Variants in ERN2 observed in about 807,000 individuals in gnomAD.
The protein encoded by ERN2 is serine/threonine-protein kinase/endoribonuclease IRE2.
Under a neutral mutation model 107.9 loss-of-function variants are expected in ERN2, and 111 were observed. The ratio of observed to expected loss-of-function variants is 1.03; its 90% CI spans 0.88 to 1.20. ERN2 has a LOEUF of 1.20. ERN2 is among the 50% of genes most tolerant of loss of function. ERN2 has a pLI of 0.00. For missense variants in ERN2, 1,225 were observed against 1,197.9 expected (o/e 1.02, Z -0.33); for synonymous variants, 524 against 501.7 (o/e 1.04, Z -0.59).
At chr16:23,706,248 G>A (rs1960301696) in intron 7 of ERN2, 82 bp downstream of exon 7, 1 of 955,238 alleles carries the variant, frequency 1.0e-6, no homozygotes, top group Non-Finnish European at 1.5e-6. Flanking sequence ...AATGTGGCTG[G>A]GAATTGGTCA....
At chr16:23,708,063 C>G (rs1020463255) in intron 4 of ERN2, among the ~76,000 whole-genome samples, 3 of 152,162 alleles carry the variant, frequency 2.0e-5, no homozygotes, top group African/African-American at 7.2e-5. Context: ...AAAGTCCTCA[C>G]GGGCTGGCTG....
Position 23,709,496 on chromosome 16 carries a change from T to G in ERN2, c.306+676A>C, listed in dbSNP as rs1300577008. 59 of 234,596 alleles carry G rather than the reference T, an allele frequency of 2.5e-4. No homozygotes were observed. The Admixed American group carries it at 2.6e-3, about 10-fold the overall frequency. 14.5% of individuals were successfully genotyped at this position (234,596 alleles called of 1,614,324 possible). A position where few individuals can be genotyped will look rare whatever the true frequency, so the allele number is the denominator to read the frequency against. On this transcript the variant is annotated intron_variant, in intron 4 of 21. Transcript: ENST00000256797. ...TGGAATCTGTTTTTTCACCACTGGATTCTCAGCTTGGCCATGTGACCTGCT... is the reference window on the plus strand; with the variant it reads ...TGGAATCTGTTTTTTCACCACTGGAGTCTCAGCTTGGCCATGTGACCTGCT...
In ERN2 at chr16:23,690,944, G is replaced by C. The variant is rs748276946; in HGVS notation, c.2668C>G (p.Leu890Val). Residue 890 changes from leucine to valine, a missense_variant, in exon 22 of 22, where the codon CTC becomes GTC. Leu to Val is a conservative substitution (Grantham distance 32). Coordinates refer to ENST00000256797, the MANE Select transcript of ERN2 (RefSeq NM_033266.4). Reference protein sequence around the residue: ...QYFTNRFPRLLLHTHRAMRSC... With the variant: ...QYFTNRFPRLVLHTHRAMRSC... ...CTCATGGCTCGGTGCGTGTGGAGGA[G>C]CAGCCGTGGGAAGCGGTTTGTGAAG... 2 of 1,614,074 alleles carry C rather than the reference G, an allele frequency of 1.2e-6. No individual in the cohort carries two copies. Among genetic ancestry groups the C allele is most frequent in the Non-Finnish European group, 1.7e-6 (2 of 1,180,026 alleles).
chr16:23,702,576 C>T, intron 9 of ERN2, 39 bp from the exon 10 acceptor site: 1 of 1,613,982 alleles, frequency 6.2e-7, no homozygotes, highest in Middle Eastern at 1.6e-4. Flanking sequence ...GAGGGAGGTT[C>T]TTCTCCCGTT....
In ERN2 at chr16:23,692,216, G is replaced by A. The variant is rs773605694; in HGVS notation, c.2216C>T (p.Pro739Leu). Residue 739 changes from proline (P) to leucine (L), a missense_variant, in exon 18 of 22, where the codon CCC becomes CTC. Pro to Leu is a moderately conservative substitution (Grantham distance 98). Transcript: ENST00000256797. ...CTCTTCCTCCAGGTGAGCCAGACAGGGAGCCCCTGTGAGGATGTTTGCCTG... is the reference window on the plus strand; with the variant it reads ...CTCTTCCTCCAGGTGAGCCAGACAGAGAGCCCCTGTGAGGATGTTTGCCTG... ...YRQANILTGAPCLAHLEEEVH... is the reference protein window; with the variant it reads ...YRQANILTGALCLAHLEEEVH... 2 of 1,614,190 alleles carry A rather than the reference G, an allele frequency of 1.2e-6. No homozygotes were observed. Among genetic ancestry groups the A allele is most frequent in the South Asian group, 1.1e-5 (1 of 91,086 alleles).
At chr16:23,703,817 T>C (rs1461551591) in intron 8 of ERN2, among the ~76,000 whole-genome samples, 2 of 152,204 alleles carry the variant, frequency 1.3e-5, no homozygotes, top group African/African-American at 4.8e-5. Context: ...AGATGTTCCT[T>C]CCTCTAGGAA....
At chr16:23,698,233 C>T (rs1257139406) in intron 13 of ERN2, among the ~76,000 whole-genome samples, 2 of 152,214 alleles carry the variant, frequency 1.3e-5, no homozygotes, top group African/African-American at 4.8e-5. Context: ...GAGCCAGCCA[C>T]ATGCATTTGG....
intron 13 of ERN2, among the ~76,000 whole-genome samples, chr16:23,699,344 T>C (rs980893318): frequency 6.6e-6 from 1 of 152,052 alleles, no homozygotes; most frequent in Non-Finnish European, 1.5e-5. Context: ...GAGCAGTGAC[T>C]AGAAGGTGCC....
chr16:23,691,048 G>A lies in ERN2; in HGVS notation c.2569-5C>T. 18 of 1,614,140 alleles carry A rather than the reference G, an allele frequency of 1.1e-5. No homozygotes were observed. The highest frequency in any genetic ancestry group is 1.5e-5 in the Non-Finnish European group (18 of 1,179,994). On this transcript the variant is annotated splice_polypyrimidine_tract_variant and splice_region_variant and intron_variant, in intron 21 of 21. Transcript: ENST00000256797. The stretch of plus-strand genomic sequence containing the variant: ...GAGCTCCCTGTAGTGGTGCTTCTGT[G>A]GGTAGGTAGAGCAGAGAACCCTGGC...
intron 7 of ERN2, 59 bp from the exon 8 acceptor site, chr16:23,705,206 G>T: frequency 6.4e-7 from 1 of 1,572,270 alleles, no homozygotes; most frequent in Non-Finnish European, 8.7e-7. Context: ...GGGTCCAAGG[G>T]TGTGCCCTCT....
intron 19 of ERN2, 45 bp from the exon 20 acceptor site, chr16:23,691,470 C>T (rs781195233): frequency 3.2e-6 from 5 of 1,585,050 alleles, no homozygotes; most frequent in Non-Finnish European, 2.6e-6. Context: ...GGGCCAGAGG[C>T]CACATAGCCA....
chr16:23,690,932 G>A lies in ERN2; in HGVS notation c.2680C>T (p.His894Tyr). The stretch of plus-strand genomic sequence containing the variant: ...GAGGCGCAGCTCCTCATGGCTCGGT[G>A]CGTGTGGAGGAGCAGCCGTGGGAAG... ...NRFPRLLLHT[H>Y]RAMRSCASES... The change falls in exon 22 of 22, where the codon CAC (histidine) becomes TAC (tyrosine). Residue 894 changes from histidine to tyrosine, a missense_variant. His to Tyr is a moderately conservative substitution (Grantham distance 83, BLOSUM62 2). Coordinates refer to ENST00000256797, the MANE Select transcript of ERN2 (RefSeq NM_033266.4). 6.2e-7 allele frequency: 1 copy of A among 1,614,040 alleles called. No homozygotes were observed. The highest frequency in any genetic ancestry group is 8.5e-7 in the Non-Finnish European group (1 of 1,180,040).
In ERN2 at chr16:23,707,034, G is replaced by C. The variant is rs56117885; in HGVS notation, c.352C>G (p.Arg118Gly). The stretch of plus-strand genomic sequence containing the variant: ...GTGTAGAAGACCCCATCAGAGCTGC[G>C]GCAGGGAGAGGCATGAACCAGCTCA... ...IPELVHASPCRSSDGVFYTGR... is the reference protein window; with the variant it reads ...IPELVHASPCGSSDGVFYTGR... The change falls in exon 5 of 22, where the codon CGC becomes GGC. Residue 118 changes from arginine (R) to glycine (G), a missense_variant. Transcript: ENST00000256797. 1.2e-6 allele frequency: 2 copies of C among 1,614,094 alleles called. No individual in the cohort carries two copies. Among genetic ancestry groups the C allele is most frequent in the African/African-American group, 1.3e-5 (1 of 75,028 alleles).
At chr16:23,704,596 G>A (rs1960220277) in intron 8 of ERN2, among the ~76,000 whole-genome samples, 1 of 152,192 alleles carries the variant, frequency 6.6e-6, no homozygotes. Flanking sequence ...TCTTGGGTAT[G>A]TCTTTATCAG....
In ERN2 at chr16:23,702,669, G is replaced by A. The variant is rs1241732231; in HGVS notation, c.888C>T (p.Gly296=). 1 of 1,614,048 alleles carries A rather than the reference G, an allele frequency of 6.2e-7. No homozygotes were observed. The highest frequency in any genetic ancestry group is 1.3e-5 in the African/African-American group (1 of 74,928). Residue 296 remains glycine (G), a synonymous_variant, in exon 9 of 22, where the codon GGC becomes GGT. Transcript: ENST00000256797. The part of the protein sequence containing the change: ...MTLYVGKDET[G]FYVSKALVHT... The stretch of plus-strand genomic sequence containing the variant: ...GGACCAGTGCTTTAGAGACATAGAA[G>A]CCAGTTTCATCCTTCCCCACATACA...
chr16:23,700,516 C>T (rs944638099), intron 13 of ERN2, 23 bp downstream of exon 13: 1 of 1,595,110 alleles, frequency 6.3e-7, no homozygotes, highest in African/African-American at 1.4e-5. Flanking sequence ...CCTGACTGCC[C>T]TGTCTTGTTC....
At position 23,702,430 on chromosome 16, in the gene ERN2, G is replaced by A; in HGVS notation, c.1041C>T (p.Pro347=). 2.5e-6 allele frequency: 4 copies of A among 1,613,672 alleles called. No individual in the cohort carries two copies. Among genetic ancestry groups the A allele is most frequent in the African/African-American group, 1.3e-5 (1 of 75,046 alleles). ...EGSPSTAVRY[P]SGSVALPSQW... The stretch of plus-strand genomic sequence containing the variant: ...GGCTTGGGAGGGCCACACTGCCTGA[G>A]GGGTATCTAACAGCAGTGCTGGGTG... Residue 347 remains proline (P), a synonymous_variant, in exon 10 of 22, where the codon CCC becomes CCT. Transcript: ENST00000256797.
Position 23,695,251 on chromosome 16 carries a change from TC to T in ERN2, c.1748del (p.Gly583AspfsTer20), listed in dbSNP as rs763540696. On this transcript the variant is annotated frameshift_variant, in exon 15 of 22. Coordinates refer to ENST00000256797, the MANE Select transcript of ERN2 (RefSeq NM_033266.4). LOFTEE classifies it high-confidence loss of function. ...CCAGGGCAATGTAGTGGAACTGGGGTCCCCGCTCGGTGCAGAAGTAGCGGAG... is the reference window on the plus strand; with the variant it reads ...CCAGGGCAATGTAGTGGAACTGGGGTCCCGCTCGGTGCAGAAGTAGCGGAG... The part of the protein sequence containing the change: ...NVLRYFCTER[G>X]PQFHYIALEL... The T allele has an allele frequency of 1.2e-6, 2 of 1,613,866 alleles. No individual in the cohort carries two copies. Among genetic ancestry groups the T allele is most frequent in the Non-Finnish European group, 1.7e-6 (2 of 1,179,982 alleles).
At chr16:23,706,731 G>A (rs2141020296) in intron 6 of ERN2, 23 bp downstream of exon 6, 1 of 1,521,920 alleles carries the variant, frequency 6.6e-7, no homozygotes, top group East Asian at 2.2e-5. Context: ...CAGAGCTTGA[G>A]GAACAGCTGG....
Sources: allele counts gnomAD v4.1 joint callset (sites outside exome capture counted in the v4.1 genomes callset), GRCh38; gene constraint gnomAD v4.1.1; transcripts MANE v1.5; gene names NCBI Gene and HGNC (gene_info 2026-07-23, HGNC 2026-07-21).